The following CDCA5 variants were observed in gnomAD, a reference collection of about 807,000 sequenced individuals.
CDCA5 encodes sororin.
Under a neutral mutation model 25.7 loss-of-function variants are expected in CDCA5, and 14 were observed. The observed-to-expected ratio is 0.54, with a 90% confidence interval of 0.36 to 0.85. The LOEUF (loss-of-function observed/expected upper bound fraction) is 0.85, where lower values mean the gene tolerates loss of function less well. Among genes scored for constraint, CDCA5 ranks in the 40% least tolerant of loss-of-function variants. CDCA5 has a pLI of 0.01. For synonymous variants in CDCA5, 127 were observed against 128.7 expected, an observed-to-expected ratio of 0.99 and a Z score of 0.09; for missense variants, 307 against 324.5, an observed-to-expected ratio of 0.95 and a Z score of 0.41.
chr11:65,079,197 G>C lies in CDCA5; in HGVS notation c.679-10C>G, dbSNP rs2137123664. 2.6e-6 allele frequency: 4 copies of C among 1,527,074 alleles called. No homozygotes were observed. The highest frequency in any genetic ancestry group is 3.5e-6 in the Non-Finnish European group (4 of 1,138,078). 94.6% of individuals were successfully genotyped at this position (1,527,074 alleles called of 1,614,324 possible). The stretch of plus-strand genomic sequence containing the variant: ...CATCCAGCTCCGTTTTCTGAGGGAA[G>C]AGAAATGAGGAGCAGGTGAGTGAGA... On this transcript the variant is annotated splice_polypyrimidine_tract_variant and intron_variant, in intron 5 of 5. Coordinates refer to ENST00000275517, the MANE Select transcript of CDCA5 (RefSeq NM_080668.4).
chr11:65,071,564 C>T (rs778386988), intron 1 of CDCA5, among the ~76,000 whole-genome samples: 3 of 151,486 alleles, frequency 2.0e-5, no homozygotes, highest in Non-Finnish European at 2.9e-5. Flanking sequence ...CCGCCTGCCT[C>T]GGCCTCCCAA....
rs573563212 is a variant in CDCA5, at chr11:65,079,777, A to G, written c.254T>C (p.Phe85Ser). The change falls in exon 5 of 6, where the codon TTC becomes TCC. Residue 85 changes from phenylalanine (F) to serine (S), a missense_variant. Phe to Ser is a radical substitution (Grantham distance 155). Transcript: ENST00000275517. Reference protein sequence around the residue: ...SPRRSPRISFFLEKENEPPGR... With the variant: ...SPRRSPRISFSLEKENEPPGR... Reference sequence around the variant, plus strand: ...AGGGGGCTCGTTTTCTTTCTCCAAGAAAAAGGAAATCTGCACCAGGACAGA... The same window carrying G: ...AGGGGGCTCGTTTTCTTTCTCCAAGGAAAAGGAAATCTGCACCAGGACAGA... The G allele has an allele frequency of 2.7e-6, 4 of 1,472,780 alleles. No individual in the cohort carries two copies. The highest frequency in any genetic ancestry group is 1.4e-5 in the African/African-American group (1 of 70,460). 91.2% of individuals were successfully genotyped at this position (1,472,780 alleles called of 1,614,324 possible).
intron 1 of CDCA5, among the ~76,000 whole-genome samples, chr11:65,071,377 C>T (rs1344036945): frequency 2.0e-5 from 3 of 148,772 alleles, no homozygotes; most frequent in African/African-American, 7.5e-5. Flanking sequence ...GGGACAGTCT[C>T]GCTTTGTTGC....
Position 65,077,926 on chromosome 11 carries a change from T to C in CDCA5, c.*1181A>G, listed in dbSNP as rs1393382733. The C allele has an allele frequency of 4.1e-6, 4 of 985,470 alleles. No homozygotes were observed. The highest frequency in any genetic ancestry group is 2.3e-4 in the East Asian group (2 of 8,818). 61.0% of individuals were successfully genotyped at this position (985,470 alleles called of 1,614,324 possible). ...CATCAAAAGGTACAATGGCCAGGGG[T>C]GCGGCAGGAGAGTCGGGGGCAGGGC... On this transcript the variant is annotated 3_prime_UTR_variant, in exon 6 of 6. Coordinates refer to ENST00000275517, the MANE Select transcript of CDCA5 (RefSeq NM_080668.4).
At chr11:65,062,254 T>A (rs1367662373), downstream of CDCA5, among the ~76,000 whole-genome samples, 1 of 152,178 alleles carries the variant, frequency 6.6e-6, no homozygotes, top group Admixed American at 6.5e-5. Flanking sequence ...TCTGATTGTA[T>A]TCTTGTCCCC....
In CDCA5 at chr11:65,079,751, CA is replaced by C. The variant is rs1221439053; in HGVS notation, c.279del (p.Gly94AlafsTer110). On this transcript the variant is annotated frameshift_variant, in exon 5 of 6. Transcript: ENST00000275517. LOFTEE classifies it high-confidence loss of function. ...AGGTCCTCCTTAGTAAGCTCCCTGC[CA>C]GGGGGCTCGTTTTCTTTCTCCAAGA... ...SFFLEKENEP[P>X]GRELTKEDLF... The C allele has an allele frequency of 2.7e-6, 4 of 1,490,296 alleles. No homozygotes were observed. Among genetic ancestry groups the C allele is most frequent in the Non-Finnish European group, 3.6e-6 (4 of 1,120,034 alleles). The allele number at this position is 1,490,296 out of a possible 1,614,324, so 92.3% of individuals were successfully genotyped here. A position where few individuals can be genotyped will look rare whatever the true frequency, so the allele number is the denominator to read the frequency against.
chr11:65,080,359 T>G (rs76379132), intron 4 of CDCA5, among the ~76,000 whole-genome samples: 3,946 of 152,284 alleles, frequency 0.026, 166 homozygotes, highest in African/African-American at 0.088. Flanking sequence ...ATCCAGCCTC[T>G]CCTCTGACCA....
At chr11:65,081,965 G>T (rs748883456) in intron 4 of CDCA5, among the ~76,000 whole-genome samples, 3 of 152,168 alleles carry the variant, frequency 2.0e-5, no homozygotes, top group Non-Finnish European at 4.4e-5. Context: ...TTTAGAACTG[G>T]TAAGGCCTAA....
At chr11:65,069,972 C>T (rs1177636106) in intron 1 of CDCA5, among the ~76,000 whole-genome samples, 2 of 152,216 alleles carry the variant, frequency 1.3e-5, no homozygotes, top group Non-Finnish European at 1.5e-5. Context: ...GTTTGTACAG[C>T]GAGCCCTGGC....
intron 4 of CDCA5, 104 bp downstream of exon 4, chr11:65,083,260 T>C: frequency 7.4e-7 from 1 of 1,354,814 alleles, no homozygotes; most frequent in Non-Finnish European, 1.0e-6. Context: ...GTTTTTGCAG[T>C]ACTGCAAAAC....
intron 4 of CDCA5, 130 bp downstream of exon 4, chr11:65,083,234 T>G: frequency 1.0e-6 from 1 of 982,886 alleles, no homozygotes; most frequent in Non-Finnish European, 1.6e-6. Flanking sequence ...TGCATGCAGG[T>G]GCCCACAGGC....
chr11:65,082,268 C>T (rs1157550029), intron 4 of CDCA5, among the ~76,000 whole-genome samples: 1 of 152,108 alleles, frequency 6.6e-6, no homozygotes, highest in Non-Finnish European at 1.5e-5. Flanking sequence ...CCCACAGACC[C>T]AAGAATGATG....
chr11:65,063,426 A>C (rs1203957427), downstream of CDCA5, among the ~76,000 whole-genome samples: 3 of 152,182 alleles, frequency 2.0e-5, no homozygotes, highest in Non-Finnish European at 4.4e-5. Context: ...GGGTAGATCC[A>C]CTGGAGATCA....
chr11:65,064,886 G>A (rs1016142064), downstream of CDCA5, among the ~76,000 whole-genome samples: 7 of 152,158 alleles, frequency 4.6e-5, no homozygotes. Flanking sequence ...AAAATATGAA[G>A]AAAAGAGATG....
chr11:65,077,984 A>G lies in CDCA5; in HGVS notation c.*1123T>C, dbSNP rs1947480044. 2.4e-5 allele frequency: 24 copies of G among 985,460 alleles called. No individual in the cohort carries two copies. Among genetic ancestry groups the G allele is most frequent in the Non-Finnish European group, 2.9e-5 (24 of 829,960 alleles). 61.0% of individuals were successfully genotyped at this position (985,460 alleles called of 1,614,324 possible). A position where few individuals can be genotyped will look rare whatever the true frequency, so the allele number is the denominator to read the frequency against. On this transcript the variant is annotated 3_prime_UTR_variant, in exon 6 of 6. Transcript: ENST00000275517. ...AAATCCACACTATTGAATCCACACG[A>G]TGGAAAGAAGAGAAAGATGGGGAAA...
At chr11:65,075,922 C>T (rs1020929552), downstream of CDCA5, among the ~76,000 whole-genome samples, 5 of 152,172 alleles carry the variant, frequency 3.3e-5, no homozygotes, top group Non-Finnish European at 5.9e-5. Context: ...AGTGCCACAG[C>T]CCCAAAGAGG....
chr11:65,068,072 G>A (rs1220991290), exon 3 of CDCA5: 3 of 1,289,408 alleles, frequency 2.3e-6, no homozygotes, highest in Admixed American at 4.6e-5. Flanking sequence ...GTTCAGGAGT[G>A]TAAACAGGAA....
At position 65,077,916 on chromosome 11, in the gene CDCA5, T is replaced by C. The variant is rs912546775; in HGVS notation, c.*1191A>G. ...AACTTCTAAACATCAAAAGGTACAA[T>C]GGCCAGGGGTGCGGCAGGAGAGTCG... is the stretch of plus-strand genomic sequence containing the variant. On this transcript the variant is annotated 3_prime_UTR_variant, in exon 6 of 6. Transcript: ENST00000275517. The C allele has an allele frequency of 1.0e-6, 1 of 985,434 alleles. No homozygotes were observed. The highest frequency in any genetic ancestry group is 6.1e-5 in the Admixed American group (1 of 16,262). The allele number at this position is 985,434 out of a possible 1,614,324, so 61.0% of individuals were successfully genotyped here. A position where few individuals can be genotyped will look rare whatever the true frequency, so the allele number is the denominator to read the frequency against.
At chr11:65,063,769 ACTCACATGGTAGC>A (rs1288728086), downstream of CDCA5, among the ~76,000 whole-genome samples, 2 of 152,170 alleles carry the variant, frequency 1.3e-5, no homozygotes, top group African/African-American at 4.8e-5. Flanking sequence ...ACAGCTTGTG[ACTCACATGGTAGC>A]CTCCTTTGAC....
Sources: gnomAD v4.1 joint callset for allele counts (sites outside exome capture counted in the v4.1 genomes callset) on GRCh38, gnomAD v4.1.1 for gene constraint, MANE v1.5 for transcripts, NCBI Gene and HGNC (gene_info 2026-07-23, HGNC 2026-07-21) for gene names.